Variants in TEX36 observed in about 807,000 individuals in gnomAD.
The protein encoded by TEX36 is testis-expressed protein 36.
TEX36 carries 12 observed loss-of-function variants against 13.6 expected under a neutral mutation model. That is an observed-to-expected ratio of 0.88 (90% CI 0.56 to 1.43). The LOEUF (loss-of-function observed/expected upper bound fraction) is 1.43. Among genes scored for constraint, TEX36 ranks in the 40% most tolerant of loss-of-function variants. The pLI is 0.00. For synonymous variants in TEX36, 93 were observed against 83.0 expected (o/e 1.12, Z -0.65); for missense variants, 224 against 228.3 (o/e 0.98, Z 0.12).
chr10:125,675,496 T>C (rs1847297500), intron 1 of TEX36, among the ~76,000 whole-genome samples: 2 of 152,176 alleles, frequency 1.3e-5, no homozygotes, highest in Admixed American at 1.3e-4. Flanking sequence ...TCTGCACAGC[T>C]CTGTGCTTGG....
intron 3 of TEX36, among the ~76,000 whole-genome samples, chr10:125,631,750 G>A (rs1846557309): frequency 6.6e-6 from 1 of 152,176 alleles, no homozygotes; most frequent in African/African-American, 2.4e-5. Context: ...GTCAACGCGT[G>A]CTATATGTGT....
At chr10:125,677,608 A>T (rs928952105) in intron 1 of TEX36, among the ~76,000 whole-genome samples, 2 of 151,924 alleles carry the variant, frequency 1.3e-5, no homozygotes, top group African/African-American at 4.8e-5. Flanking sequence ...CATATCCTGA[A>T]TTATTTTTCT....
chr10:125,633,303 A>G (rs1178111331), intron 3 of TEX36, among the ~76,000 whole-genome samples: 1 of 152,154 alleles, frequency 6.6e-6, no homozygotes, highest in South Asian at 2.1e-4. Context: ...AGGGATCAAC[A>G]TCTCTCTAGA....
downstream of TEX36, among the ~76,000 whole-genome samples, chr10:125,617,731 A>G (rs1846376878): frequency 6.6e-6 from 1 of 151,932 alleles, no homozygotes; most frequent in Non-Finnish European, 1.5e-5. Context: ...TTTTTCCTTC[A>G]TTTCAACTTT....
intron 3 of TEX36, among the ~76,000 whole-genome samples, chr10:125,580,655 C>G (rs1019861597): frequency 2.0e-5 from 3 of 152,168 alleles, no homozygotes; most frequent in Admixed American, 1.3e-4. Flanking sequence ...GCTAGGTGGG[C>G]TGGCTGGTCC....
At chr10:125,615,496 T>C (rs1846345493) in intron 3 of TEX36, among the ~76,000 whole-genome samples, 2 of 151,528 alleles carry the variant, frequency 1.3e-5, no homozygotes, top group Non-Finnish European at 2.9e-5. Flanking sequence ...GCATGAAGGG[T>C]TGTTGAATTT....
At chr10:125,649,283 C>T (rs1846817878) in intron 3 of TEX36, among the ~76,000 whole-genome samples, 1 of 152,200 alleles carries the variant, frequency 6.6e-6, no homozygotes, top group Non-Finnish European at 1.5e-5. Context: ...CAAAGGGAAG[C>T]CCATCAGACT....
chr10:125,666,680 C>A (rs1847127267), intron 1 of TEX36, among the ~76,000 whole-genome samples: 1 of 152,136 alleles, frequency 6.6e-6, no homozygotes, highest in African/African-American at 2.4e-5. Context: ...CCTCCTCCAA[C>A]CTTGAATAGC....
chr10:125,624,737 G>A (rs1433993105), intron 3 of TEX36, among the ~76,000 whole-genome samples: 1 of 151,918 alleles, frequency 6.6e-6, no homozygotes, highest in Non-Finnish European at 1.5e-5. Flanking sequence ...GAATTTTAAA[G>A]GAGTGTTGTC....
At chr10:125,682,201 G>A (rs1273119185) in intron 1 of TEX36, among the ~76,000 whole-genome samples, 1 of 152,166 alleles carries the variant, frequency 6.6e-6, no homozygotes, top group African/African-American at 2.4e-5. Context: ...AAGAGCAAAG[G>A]AGAGAAGTGC....
At chr10:125,658,875 T>C (rs1190218722) in intron 3 of TEX36, among the ~76,000 whole-genome samples, 1 of 152,106 alleles carries the variant, frequency 6.6e-6, no homozygotes, top group East Asian at 1.9e-4. Flanking sequence ...AAACCAATAA[T>C]CTAAAGACTA....
At chr10:125,582,289 C>A (rs973445799) in intron 3 of TEX36, among the ~76,000 whole-genome samples, 2 of 152,202 alleles carry the variant, frequency 1.3e-5, no homozygotes, top group African/African-American at 4.8e-5. Context: ...CTTTCACTCC[C>A]ATAATTTAAC....
intron 3 of TEX36, among the ~76,000 whole-genome samples, chr10:125,577,580 A>C (rs1232215474): frequency 1.3e-5 from 2 of 152,254 alleles, no homozygotes; most frequent in African/African-American, 4.8e-5. Flanking sequence ...ATGTGGAGTG[A>C]AAACATCACC....
intron 3 of TEX36, among the ~76,000 whole-genome samples, chr10:125,642,014 C>G (rs1224526589): frequency 6.6e-6 from 1 of 152,190 alleles, no homozygotes; most frequent in Non-Finnish European, 1.5e-5. Context: ...CTGTGTCCCT[C>G]CACATAATTG....
rs367550179 is a variant in TEX36 at position 125,656,176 on chromosome 10, G to T, written c.285C>A (p.Ile95=). The part of the protein sequence containing the change: ...YLDSGLGRKK[I]SPDKRQHVSR... ...AAACATGTTGCCTCTTATCTGGAGA[G>T]ATCTTCTTACGTCCCAGGCCCTGGA... Residue 95 remains isoleucine (I), a synonymous_variant, in exon 4 of 4, where the codon ATC becomes ATA. Coordinates refer to ENST00000368821, the MANE Select transcript of TEX36 (RefSeq NM_001128202.3). 9 of 1,492,032 alleles carry T rather than the reference G, an allele frequency of 6.0e-6. No homozygotes were observed. The East Asian group carries it at 2.3e-4, about 38-fold the overall frequency. The allele number at this position is 1,492,032 out of a possible 1,614,324, so 92.4% of individuals were successfully genotyped here. A position where few individuals can be genotyped will look rare whatever the true frequency, so the allele number is the denominator to read the frequency against.
intron 3 of TEX36, among the ~76,000 whole-genome samples, chr10:125,630,980 T>C (rs1846548064): frequency 6.6e-6 from 1 of 151,854 alleles, no homozygotes; most frequent in Admixed American, 6.6e-5. Context: ...CCTATGCTCC[T>C]GTCTCAGGTT....
chr10:125,666,858 C>A, intron 1 of TEX36: 1 of 351,680 alleles, frequency 2.8e-6, no homozygotes, highest in Non-Finnish European at 5.4e-6. Flanking sequence ...TTGGGAACAG[C>A]CGGGGAACAC....
At chr10:125,614,227 A>G (rs1271004763) in intron 3 of TEX36, among the ~76,000 whole-genome samples, 1 of 152,072 alleles carries the variant, frequency 6.6e-6, no homozygotes, top group African/African-American at 2.4e-5. Flanking sequence ...CCCATTTTGT[A>G]GGTTGCCTGT....
intron 3 of TEX36, among the ~76,000 whole-genome samples, chr10:125,580,194 T>C (rs1845867330): frequency 6.6e-6 from 1 of 152,250 alleles, no homozygotes; most frequent in Non-Finnish European, 1.5e-5. Flanking sequence ...ACATTGGACT[T>C]GTCTTTAAAC....
Sources: allele counts gnomAD v4.1 joint callset (sites outside exome capture counted in the v4.1 genomes callset), GRCh38; gene constraint gnomAD v4.1.1; transcripts MANE v1.5; gene names NCBI Gene and HGNC (gene_info 2026-07-23, HGNC 2026-07-21).